The following TEX11 variants were observed in gnomAD, a reference collection of about 807,000 sequenced individuals.
The protein encoded by TEX11 is testis-expressed protein 11.
Under a neutral mutation model 84.4 loss-of-function variants are expected in TEX11, and 7 were observed. That is an observed-to-expected ratio of 0.08 (90% CI 0.05 to 0.16). The LOEUF (loss-of-function observed/expected upper bound fraction) is 0.16. Ranked by LOEUF, TEX11 falls within the 10% of genes least tolerant of loss-of-function variation. TEX11 has a pLI of 1.00. For missense variants in TEX11, 551 were observed against 660.5 expected (o/e 0.83, Z 1.82); for synonymous variants, 264 against 222.8 (o/e 1.18, Z -1.64).
intron 17 of TEX11, among the ~76,000 whole-genome samples, chrX:70,648,447 G>T: frequency 9.1e-6 from 1 of 110,124 alleles, no homozygotes; most frequent in East Asian, 2.8e-4. Flanking sequence ...CCACCATGTT[G>T]TTCATGATCA....
chrX:70,612,207 T>C (rs757991887), intron 20 of TEX11, among the ~76,000 whole-genome samples: 2 of 110,883 alleles, frequency 1.8e-5, no homozygotes, highest in Non-Finnish European at 3.8e-5. Flanking sequence ...TAAAGGCCTA[T>C]TTATTAGGAA....
At chrX:70,715,807 T>C (rs1314554632) in intron 13 of TEX11, among the ~76,000 whole-genome samples, 2 of 112,393 alleles carry the variant, frequency 1.8e-5, no homozygotes, top group African/African-American at 3.2e-5. Flanking sequence ...AGTCATTCTC[T>C]GTCCAGCTTT....
At chrX:70,663,770 C>A (rs1477955177) in intron 16 of TEX11, among the ~76,000 whole-genome samples, 2 of 111,802 alleles carry the variant, frequency 1.8e-5, no homozygotes, top group African/African-American at 3.2e-5. Context: ...ATGAGTATTG[C>A]TTTCATACTA....
chrX:70,763,839 C>G (rs2090924296), intron 9 of TEX11, among the ~76,000 whole-genome samples: 1 of 111,302 alleles, frequency 9.0e-6, no homozygotes, highest in African/African-American at 3.3e-5. Context: ...ATATATAAAG[C>G]AAATATTATC....
At chrX:70,544,533 T>C (rs930871294) in intron 28 of TEX11, among the ~76,000 whole-genome samples, 2 of 110,081 alleles carry the variant, frequency 1.8e-5, no homozygotes, top group African/African-American at 6.6e-5. Flanking sequence ...AAAAAATATA[T>C]AAATATAAAT....
chrX:70,658,028 A>G (rs1331588063), intron 16 of TEX11, among the ~76,000 whole-genome samples: 1 of 107,609 alleles, frequency 9.3e-6, no homozygotes, highest in Non-Finnish European at 1.9e-5. Flanking sequence ...ATACATATGT[A>G]ACTAACCTGC....
chrX:70,722,515 TCCTCCCG>T, intron 13 of TEX11, 96 bp downstream of exon 13: 2 of 588,935 alleles, frequency 3.4e-6, no homozygotes, highest in Non-Finnish European at 5.5e-6. Flanking sequence ...GCTCAAGGGA[TCCTCCCG>T]CCTCAGCCTC....
chrX:70,853,331 A>G lies in TEX11; in HGVS notation c.325-3T>C. On this transcript the variant is annotated splice_region_variant and splice_polypyrimidine_tract_variant and intron_variant, in intron 5 of 29. Transcript: ENST00000374333. ...TCTTTTCCTATTCTCATATTCATCTAGAAGAGAGAAATTAGAAAATAATTT... is the reference window on the plus strand; with the variant it reads ...TCTTTTCCTATTCTCATATTCATCTGGAAGAGAGAAATTAGAAAATAATTT... 1 of 1,167,526 alleles carries G rather than the reference A, an allele frequency of 8.6e-7. No individual in the cohort carries two copies. Among genetic ancestry groups the G allele is most frequent in the Non-Finnish European group, 1.2e-6 (1 of 860,619 alleles).
chrX:70,651,723 T>C (rs1384706784), intron 16 of TEX11, among the ~76,000 whole-genome samples, 171 bp from the exon 17 acceptor site: 2 of 111,452 alleles, frequency 1.8e-5, no homozygotes, highest in Admixed American at 1.9e-4. Flanking sequence ...AATGCAACAG[T>C]GAGTTATACT....
At chrX:70,599,178 A>C (rs1451652857) in intron 24 of TEX11, among the ~76,000 whole-genome samples, 1 of 111,581 alleles carries the variant, frequency 9.0e-6, no homozygotes. Context: ...AAAAGAAATA[A>C]AGAAAATAAA....
chrX:70,743,285 A>ATAAAGGAT (rs2090745804), intron 10 of TEX11, among the ~76,000 whole-genome samples: 1 of 112,293 alleles, frequency 8.9e-6, no homozygotes, highest in East Asian at 2.8e-4. Flanking sequence ...TCCTTTAATC[A>ATAAAGGAT]TAAGTTCCTT....
At chrX:70,698,651 G>T (rs2147679440) in intron 13 of TEX11, among the ~76,000 whole-genome samples, 1 of 110,904 alleles carries the variant, frequency 9.0e-6, no homozygotes, top group Admixed American at 9.7e-5. Context: ...TGCATGCAAG[G>T]AGTAGAGGCC....
intron 8 of TEX11, among the ~76,000 whole-genome samples, chrX:70,824,032 TAATA>T (rs1269771150): frequency 3.6e-5 from 4 of 111,229 alleles, no homozygotes; most frequent in African/African-American, 6.5e-5. Context: ...AAAATAAAAA[TAATA>T]AATAAATAAA....
In TEX11 at chrX:70,613,181, A is replaced by G. The variant is rs747871446; in HGVS notation, c.1752-2638T>C. Among the ~76,000 whole-genome samples, 4 of 112,016 alleles carry G rather than the reference A, an allele frequency of 3.6e-5. No individual in the cohort carries two copies. The South Asian group carries it at 1.5e-3, about 43-fold the overall frequency. ...CCCATCATCCTCCCCCACCGTAGGAACACCAAATTTAACCACTGTCTACAT... is the reference window on the plus strand; with the variant it reads ...CCCATCATCCTCCCCCACCGTAGGAGCACCAAATTTAACCACTGTCTACAT... On this transcript the variant is annotated intron_variant, in intron 20 of 29. Transcript: ENST00000374333.
At chrX:70,852,008 G>T (rs2091510919) in intron 7 of TEX11, among the ~76,000 whole-genome samples, 1 of 111,851 alleles carries the variant, frequency 8.9e-6, no homozygotes, top group East Asian at 2.8e-4. Context: ...AATGCTGATG[G>T]GGATGTCTTT....
chrX:70,642,263 T>C (rs2089670768), intron 17 of TEX11, among the ~76,000 whole-genome samples: 1 of 111,822 alleles, frequency 8.9e-6, no homozygotes, highest in South Asian at 3.8e-4. Flanking sequence ...GATCTGATAT[T>C]GTGGCAATAA....
intron 28 of TEX11, among the ~76,000 whole-genome samples, chrX:70,535,776 T>G (rs1265443872): frequency 1.8e-5 from 2 of 109,409 alleles, no homozygotes; most frequent in African/African-American, 3.3e-5. Context: ...CTTATGGGTT[T>G]TTTTTTTTTT....
chrX:70,598,333 A>G (rs1230113557), intron 24 of TEX11, among the ~76,000 whole-genome samples: 1 of 112,056 alleles, frequency 8.9e-6, no homozygotes, highest in Non-Finnish European at 1.9e-5. Flanking sequence ...TATATTCACT[A>G]GGACGGCTAT....
chrX:70,586,815 G>A (rs1301983069), intron 25 of TEX11, among the ~76,000 whole-genome samples: 2 of 112,134 alleles, frequency 1.8e-5, no homozygotes, highest in Non-Finnish European at 3.8e-5. Context: ...AGTGACTTTG[G>A]AACTGGGTGA....
Sources: allele counts gnomAD v4.1 joint callset (sites outside exome capture counted in the v4.1 genomes callset), GRCh38; gene constraint gnomAD v4.1.1; transcripts MANE v1.5; gene names NCBI Gene and HGNC (gene_info 2026-07-23, HGNC 2026-07-21).